The following PUS7L variants were observed in gnomAD, a reference collection of about 807,000 sequenced individuals.
PUS7L encodes the protein pseudouridine synthase 7 like.
PUS7L carries 49 observed loss-of-function variants against 51.1 expected under a neutral mutation model. The observed-to-expected ratio is 0.96, with a 90% confidence interval of 0.76 to 1.22. The LOEUF (loss-of-function observed/expected upper bound fraction) is 1.22, where lower values mean the gene tolerates loss of function less well. Among genes scored for constraint, PUS7L ranks in the 50% most tolerant of loss-of-function variants. PUS7L has a pLI of 0.00. For missense variants in PUS7L, 828 were observed against 820.6 expected (o/e 1.01, Z -0.11); for synonymous variants, 277 against 276.2 (o/e 1.00, Z -0.03).
chr12:43,738,418 T>G (rs1384210455), intron 5 of PUS7L, 27 bp from the exon 6 acceptor site: 9 of 1,204,134 alleles, frequency 7.5e-6, no homozygotes, highest in African/African-American at 1.5e-5. Flanking sequence ...GGTAAACATG[T>G]GTTAATGAAA....
intron 6 of PUS7L, 41 bp downstream of exon 6, chr12:43,738,267 CTG>C: frequency 1.0e-6 from 1 of 958,296 alleles, no homozygotes; most frequent in Non-Finnish European, 1.7e-6. Context: ...TAGTGTGTAT[CTG>C]TATCTGCATG....
rs1229822360 is a variant in PUS7L, at chr12:43,719,986, GTTC to G, written c.*10387_*10389del. 1 of 151,924 alleles carries G rather than the reference GTTC, an allele frequency of 6.6e-6. No individual in the cohort carries two copies. Among genetic ancestry groups the G allele is most frequent in the Non-Finnish European group, 1.5e-5 (1 of 67,986 alleles). 9.4% of individuals were successfully genotyped at this position (151,924 alleles called of 1,614,324 possible). ...TTATCCTTTCCTTCTTTCTTTTGAT[GTTC>G]TACTTGATGTCATTTTCCTAACTTC... On this transcript the variant is annotated 3_prime_UTR_variant, in exon 9 of 9. Coordinates refer to ENST00000344862, the MANE Select transcript of PUS7L (RefSeq NM_031292.5).
rs1247829033 is a variant in PUS7L, at chr12:43,729,748, AATGG to A, written c.*624_*627del. On this transcript the variant is annotated 3_prime_UTR_variant, in exon 9 of 9. Coordinates refer to ENST00000344862, the MANE Select transcript of PUS7L (RefSeq NM_031292.5). ...TTTTAGATAATATGAAAAAATTACA[AATGG>A]TCAAGAGGGTCAGCGTATGCCAAGA... 6.6e-6 allele frequency: 1 copy of A among 152,408 alleles called. No individual in the cohort carries two copies. Among genetic ancestry groups the A allele is most frequent in the African/African-American group, 2.4e-5 (1 of 41,466 alleles). The allele number at this position is 152,408 out of a possible 1,614,324, so 9.4% of individuals were successfully genotyped here.
At chr12:43,738,617 T>G (rs573097255) in intron 5 of PUS7L, among the ~76,000 whole-genome samples, 1 of 152,274 alleles carries the variant, frequency 6.6e-6, no homozygotes, top group East Asian at 1.9e-4. Context: ...TATTATGGAC[T>G]GAAAAAAGTA....
intron 1 of PUS7L, 65 bp downstream of exon 1, chr12:43,758,665 C>CCCCACA: frequency 1.8e-6 from 1 of 562,708 alleles, no homozygotes; most frequent in Non-Finnish European, 2.0e-6. Context: ...CCCCCCCCCC[C>CCCCACA]CACACACACA....
rs765861155 is a variant in PUS7L at position 43,754,427 on chromosome 12, A to C, written c.819T>G (p.Asn273Lys). The C allele has an allele frequency of 6.2e-7, 1 of 1,613,676 alleles. No homozygotes were observed. The highest frequency in any genetic ancestry group is 8.5e-7 in the Non-Finnish European group (1 of 1,179,808). ...SKMNCSAGNP[N>K]VVVTVRFREK... ...CCCGAAATCTTACTGTTACCACCAC[A>C]TTCGGATTACCAGCACTGCAATTCA... is the stretch of plus-strand genomic sequence containing the variant. The change falls in exon 2 of 9, where the codon AAT becomes AAG. Residue 273 changes from asparagine (N) to lysine (K), a missense_variant. Asn to Lys is a moderately conservative substitution (Grantham distance 94). Coordinates refer to ENST00000344862, the MANE Select transcript of PUS7L (RefSeq NM_031292.5).
chr12:43,732,890 G>A (rs564076722), intron 7 of PUS7L, among the ~76,000 whole-genome samples: 56 of 152,294 alleles, frequency 3.7e-4, no homozygotes, highest in African/African-American at 1.3e-3. Context: ...CAAAATACAA[G>A]AGACAGACTA....
chr12:43,735,671 C>T (rs1222876288), intron 7 of PUS7L, among the ~76,000 whole-genome samples: 1 of 151,972 alleles, frequency 6.6e-6, no homozygotes, highest in African/African-American at 2.4e-5. Flanking sequence ...TGAAAACATA[C>T]AGAAAGGTCT....
At chr12:43,757,095 A>G (rs890234287) in intron 1 of PUS7L, among the ~76,000 whole-genome samples, 1 of 152,112 alleles carries the variant, frequency 6.6e-6, no homozygotes, top group Admixed American at 6.5e-5. Flanking sequence ...TCCCTCCCCA[A>G]TCATATAGCT....
chr12:43,742,504 T>TCCTTC lies in PUS7L; in HGVS notation c.1310_1314dup (p.Lys439GlufsTer11). On this transcript the variant is annotated frameshift_variant, in exon 5 of 9. Transcript: ENST00000344862. LOFTEE classifies it high-confidence loss of function. ...AGTCCAATTTGGTCTGTGTGAACTT[T>TCCTTC]CCTTCCCTTCCCAAATCTCTGTGGT... The TCCTTC allele has an allele frequency of 6.2e-7, 1 of 1,610,386 alleles. No individual in the cohort carries two copies. The highest frequency in any genetic ancestry group is 1.1e-5 in the South Asian group (1 of 90,430).
In PUS7L at chr12:43,736,384, A is replaced by G; in HGVS notation, c.1722T>C (p.Ser574=). 1 of 1,613,280 alleles carries G rather than the reference A, an allele frequency of 6.2e-7. No individual in the cohort carries two copies. Among genetic ancestry groups the G allele is most frequent in the Non-Finnish European group, 8.5e-7 (1 of 1,179,386 alleles). The change falls in exon 7 of 9, where the codon AGT becomes AGC. Residue 574 remains serine (S), a synonymous_variant. Coordinates refer to ENST00000344862, the MANE Select transcript of PUS7L (RefSeq NM_031292.5). The part of the protein sequence containing the change: ...EDIDDENFPN[S]KIHLVTEEEG... Reference sequence around the variant, plus strand: ...ACTCTGATGGAATGATACTTACTTTACTATTTGGGAAATTCTCGTCATCAA... The same window carrying G: ...ACTCTGATGGAATGATACTTACTTTGCTATTTGGGAAATTCTCGTCATCAA...
At chr12:43,731,028 T>C (rs1258035136) in intron 8 of PUS7L, among the ~76,000 whole-genome samples, 1 of 152,174 alleles carries the variant, frequency 6.6e-6, no homozygotes, top group Non-Finnish European at 1.5e-5. Context: ...AGCATGTACT[T>C]TCTATAACAC....
At chr12:43,731,577 T>C (rs1156359552) in intron 8 of PUS7L, 128 bp downstream of exon 8, 1 of 578,658 alleles carries the variant, frequency 1.7e-6, no homozygotes, top group Non-Finnish European at 3.1e-6. Flanking sequence ...AATTTAATTG[T>C]ATATAAATTA....
rs1437717692 is a variant in PUS7L, at chr12:43,755,195, A to T, written c.51T>A (p.Phe17Leu). 10 of 1,610,904 alleles carry T rather than the reference A, an allele frequency of 6.2e-6. No individual in the cohort carries two copies. Among genetic ancestry groups the T allele is most frequent in the Non-Finnish European group, 8.5e-6 (10 of 1,178,562 alleles). ...YRIRFSSLCF[F>L]NDHVGFHGTI... ...TGCCATGAAATCCAACGTGATCATTAAAGAAACACAAAGAACTAAACCTGA... is the reference window on the plus strand; with the variant it reads ...TGCCATGAAATCCAACGTGATCATTTAAGAAACACAAAGAACTAAACCTGA... Residue 17 changes from phenylalanine (F) to leucine (L), a missense_variant, in exon 2 of 9, where the codon TTT (phenylalanine) becomes TTA (leucine). Physicochemically the swap from Phe to Leu is conservative, Grantham distance 22. Coordinates refer to ENST00000344862, the MANE Select transcript of PUS7L (RefSeq NM_031292.5).
At position 43,754,407 on chromosome 12, in the gene PUS7L, A is replaced by C; in HGVS notation, c.839T>G (p.Phe280Cys). 6.2e-7 allele frequency: 1 copy of C among 1,612,236 alleles called. No homozygotes were observed. The highest frequency in any genetic ancestry group is 8.5e-7 in the Non-Finnish European group (1 of 1,179,404). ...CCCACGTTTGTGTGCTTTTTCCCGA[A>C]ATCTTACTGTTACCACCACATTCGG... ...GNPNVVVTVR[F>C]REKAHKRGKR... The change falls in exon 2 of 9, where the codon TTT becomes TGT. Residue 280 changes from phenylalanine (F) to cysteine (C), a missense_variant. Phe to Cys is a radical substitution (Grantham distance 205). Coordinates refer to ENST00000344862, the MANE Select transcript of PUS7L (RefSeq NM_031292.5).
chr12:43,740,763 C>A (rs1050612759), intron 5 of PUS7L: 1 of 152,272 alleles, frequency 6.6e-6, no homozygotes, highest in Non-Finnish European at 1.5e-5. Flanking sequence ...ACTTCTGAGA[C>A]TAGGTTATAA....
In PUS7L at chr12:43,724,296, A is replaced by C. The variant is rs955705250; in HGVS notation, c.*6080T>G. 1 of 144,482 alleles carries C rather than the reference A, an allele frequency of 6.9e-6. No individual in the cohort carries two copies. Among genetic ancestry groups the C allele is most frequent in the African/African-American group, 2.5e-5 (1 of 39,410 alleles). The allele number at this position is 144,482 out of a possible 1,614,324, so 9.0% of individuals were successfully genotyped here. On this transcript the variant is annotated 3_prime_UTR_variant, in exon 9 of 9. Coordinates refer to ENST00000344862, the MANE Select transcript of PUS7L (RefSeq NM_031292.5). ...TAGAAATAGTTGTTTCTACTACTAC[A>C]AAAAAAAAAACCTCTAAAAATATGA...
rs767977674 is a variant in PUS7L, at chr12:43,754,797, G to T, written c.449C>A (p.Ser150Tyr). 6.2e-7 allele frequency: 1 copy of T among 1,613,894 alleles called. No homozygotes were observed. The highest frequency in any genetic ancestry group is 8.5e-7 in the Non-Finnish European group (1 of 1,179,908). The change falls in exon 2 of 9, where the codon TCT becomes TAT. Residue 150 changes from serine (S) to tyrosine (Y), a missense_variant. Transcript: ENST00000344862. Reference protein sequence around the residue: ...FACDVREKWLSKTELIGLPPE... With the variant: ...FACDVREKWLYKTELIGLPPE... ...AGGTAGTCCAATTAGCTCTGTTTTAGAAAGCCACTTCTCTCTTACATCACA... is the reference window on the plus strand; with the variant it reads ...AGGTAGTCCAATTAGCTCTGTTTTATAAAGCCACTTCTCTCTTACATCACA...
At position 43,724,919 on chromosome 12, in the gene PUS7L, T is replaced by C. The variant is rs962993591; in HGVS notation, c.*5457A>G. On this transcript the variant is annotated 3_prime_UTR_variant, in exon 9 of 9. Coordinates refer to ENST00000344862, the MANE Select transcript of PUS7L (RefSeq NM_031292.5). ...AACAGGAAGCCAGAATTGATTACCA[T>C]AAATAAAAGGGAAGATAAATTCAAT... 23 of 152,168 alleles carry C rather than the reference T, an allele frequency of 1.5e-4. No homozygotes were observed. The highest frequency in any genetic ancestry group is 5.1e-4 in the African/African-American group (21 of 41,450). The allele number at this position is 152,168 out of a possible 1,614,324, so 9.4% of individuals were successfully genotyped here.
Sources: allele counts gnomAD v4.1 joint callset (sites outside exome capture counted in the v4.1 genomes callset), GRCh38; gene constraint gnomAD v4.1.1; transcripts MANE v1.5; gene names NCBI Gene and HGNC (gene_info 2026-07-23, HGNC 2026-07-21).